The following PBK variants were observed in gnomAD, a reference collection of about 807,000 sequenced individuals.
PBK encodes PDZ binding kinase.
In PBK, 22 loss-of-function variants were observed where a neutral mutation model predicts 33.5. The ratio of observed to expected loss-of-function variants is 0.66; its 90% confidence interval spans 0.47 to 0.94. The LOEUF is 0.94. Among genes scored for constraint, PBK ranks in the 40% least tolerant of loss-of-function variants. The pLI is 0.00. For synonymous variants in PBK, 129 were observed against 123.8 expected (o/e 1.04, Z -0.28); for missense variants, 376 against 383.4 (o/e 0.98, Z 0.16).
At chr8:27,830,805 A>G (rs4623360) in intron 2 of PBK, among the ~76,000 whole-genome samples, 23,889 of 152,160 alleles carry the variant, frequency 0.16, 2,361 homozygotes, top group East Asian at 0.37. Flanking sequence ...GGATAAAAAC[A>G]AGACGAGACA....
chr8:27,818,993 G>A (rs1805869960), intron 6 of PBK, among the ~76,000 whole-genome samples: 1 of 152,070 alleles, frequency 6.6e-6, no homozygotes, highest in Non-Finnish European at 1.5e-5. Context: ...ATACAAAAAT[G>A]TCACCTTTAT....
chr8:27,828,243 A>C (rs1376301509), intron 2 of PBK, 45 bp from the exon 3 acceptor site: 2 of 901,830 alleles, frequency 2.2e-6, no homozygotes, highest in Non-Finnish European at 3.5e-6. Context: ...AAAAATAAAA[A>C]TAAAGCATCT....
At chr8:27,817,085 T>C (rs1419231076) in intron 6 of PBK, among the ~76,000 whole-genome samples, 1 of 152,156 alleles carries the variant, frequency 6.6e-6, no homozygotes, top group Non-Finnish European at 1.5e-5. Flanking sequence ...ATATGCCTGG[T>C]GTAGTAGCTT....
chr8:27,814,860 C>T (rs574253166), intron 6 of PBK, among the ~76,000 whole-genome samples: 1 of 152,114 alleles, frequency 6.6e-6, no homozygotes, highest in Non-Finnish European at 1.5e-5. Flanking sequence ...AACAAATATA[C>T]TCTATGATTC....
chr8:27,810,523 A>G, intron 7 of PBK, 22 bp from the exon 8 acceptor site: 1 of 1,440,040 alleles, frequency 6.9e-7, no homozygotes, highest in Non-Finnish European at 9.7e-7. Flanking sequence ...TAGAGATTGA[A>G]ACAATAAACA....
intron 3 of PBK, among the ~76,000 whole-genome samples, chr8:27,823,767 A>C (rs1481095242): frequency 6.6e-6 from 1 of 152,098 alleles, no homozygotes; most frequent in African/African-American, 2.4e-5. Flanking sequence ...GAAAATTTTA[A>C]ACTTTCTATT....
intron 6 of PBK, among the ~76,000 whole-genome samples, chr8:27,814,594 C>A (rs891654015): frequency 2.0e-5 from 3 of 152,064 alleles, no homozygotes; most frequent in African/African-American, 7.2e-5. Flanking sequence ...AATCAATGAA[C>A]ATAGGTCATT....
chr8:27,824,929 A>T (rs1421012002), intron 3 of PBK, among the ~76,000 whole-genome samples: 1 of 152,216 alleles, frequency 6.6e-6, no homozygotes, highest in East Asian at 1.9e-4. Flanking sequence ...TAACAAAAAA[A>T]ATATAGACTT....
intron 3 of PBK, among the ~76,000 whole-genome samples, chr8:27,825,976 A>G (rs1221425593): frequency 6.6e-6 from 1 of 152,222 alleles, no homozygotes; most frequent in Non-Finnish European, 1.5e-5. Flanking sequence ...ATTTAAGAAC[A>G]GGAACTATTC....
Position 27,820,563 on chromosome 8 carries a change from A to C in PBK, c.595+2T>G, listed in dbSNP as rs960944899. 12 of 1,552,048 alleles carry C rather than the reference A, an allele frequency of 7.7e-6. No individual in the cohort carries two copies. Among genetic ancestry groups the C allele is most frequent in the Non-Finnish European group, 9.7e-6 (11 of 1,139,296 alleles). On this transcript the variant is annotated splice_donor_variant, in intron 6 of 7. Transcript: ENST00000301905. LOFTEE classifies it high-confidence loss of function. Reference sequence around the variant, plus strand: ...ATTTTAAAACTTAAGAGTACAACTTACCAGTCATATTTTCATCCAGTGGTA... The same window carrying C: ...ATTTTAAAACTTAAGAGTACAACTTCCCAGTCATATTTTCATCCAGTGGTA...
chr8:27,820,689 C>T lies in PBK; in HGVS notation c.471G>A (p.Leu157=). 1 of 1,540,842 alleles carries T rather than the reference C, an allele frequency of 6.5e-7. No homozygotes were observed. Among genetic ancestry groups the T allele is most frequent in the South Asian group, 1.2e-5 (1 of 83,622 alleles). The change falls in exon 6 of 8, where the codon CTG becomes CTA. Residue 157 remains leucine (L), a synonymous_variant. Transcript: ENST00000301905. ...ALNMARGLKY[L]HQEKKLLHGD... ...CATGAAGCAGTTTCTTTTCTTGGTG[C>T]AGATACTAAAATAGTAAAAAATTTA...
At chr8:27,834,186 C>G (rs966781135) in intron 1 of PBK, among the ~76,000 whole-genome samples, 1 of 152,064 alleles carries the variant, frequency 6.6e-6, no homozygotes, top group Non-Finnish European at 1.5e-5. Context: ...CACCACCACA[C>G]CTGGCTAATT....
chr8:27,835,617 T>A, intron 1 of PBK, among the ~76,000 whole-genome samples: 1 of 151,718 alleles, frequency 6.6e-6, no homozygotes, highest in East Asian at 1.9e-4. Context: ...AATGGTGCAA[T>A]CTCGGCTCAC....
At chr8:27,818,154 A>T (rs966900153) in intron 6 of PBK, among the ~76,000 whole-genome samples, 1 of 152,332 alleles carries the variant, frequency 6.6e-6, no homozygotes, top group South Asian at 2.1e-4. Flanking sequence ...GCTAATGGCC[A>T]TGCAGCTTGA....
At position 27,809,704 on chromosome 8, in the gene PBK, C is replaced by A. The variant is rs1163100486; in HGVS notation, c.*601G>T. 1 of 152,032 alleles carries A rather than the reference C, an allele frequency of 6.6e-6. No individual in the cohort carries two copies. The highest frequency in any genetic ancestry group is 1.5e-5 in the Non-Finnish European group (1 of 68,008). 9.4% of individuals were successfully genotyped at this position (152,032 alleles called of 1,614,324 possible). Reference sequence around the variant, plus strand: ...ACACAGCTGGGAAATGCTTAAGGTACAAATTAATAAATTTTAAACTCAGTA... The same window carrying A: ...ACACAGCTGGGAAATGCTTAAGGTAAAAATTAATAAATTTTAAACTCAGTA... On this transcript the variant is annotated 3_prime_UTR_variant, in exon 8 of 8. Coordinates refer to ENST00000301905, the MANE Select transcript of PBK (RefSeq NM_018492.4).
chr8:27,822,669 G>C (rs886110159), intron 4 of PBK, among the ~76,000 whole-genome samples, 181 bp from the exon 5 acceptor site: 6 of 152,166 alleles, frequency 3.9e-5, no homozygotes, highest in Non-Finnish European at 8.8e-5. Context: ...GTGTTTGCCA[G>C]TAGTACCACA....
intron 7 of PBK, 131 bp downstream of exon 7, chr8:27,810,827 T>G: frequency 1.5e-6 from 1 of 665,050 alleles, no homozygotes; most frequent in East Asian, 2.7e-5. Context: ...TATGTCTCAT[T>G]TGTGTGAGAT....
intron 6 of PBK, among the ~76,000 whole-genome samples, chr8:27,816,887 AAATT>A (rs1172667159): frequency 6.6e-6 from 1 of 152,030 alleles, no homozygotes; most frequent in Non-Finnish European, 1.5e-5. Flanking sequence ...GTGGTAGTAT[AAATT>A]AAACCACCCC....
rs139091892 is a variant in PBK, at chr8:27,833,369, C to T, written c.-20-236G>A. 9.9e-5 allele frequency among the ~76,000 whole-genome samples: 15 copies of T among 152,124 alleles called. No homozygotes were observed. The South Asian group carries it at 2.3e-3, about 23-fold the overall frequency. ...TACTAAAAATACAAAATCAGCCAGG[C>T]GTGGTGGCGCATGCGTGTAATCCCA... On this transcript the variant is annotated intron_variant, in intron 1 of 7. Transcript: ENST00000301905.
Sources: allele counts gnomAD v4.1 joint callset (sites outside exome capture counted in the v4.1 genomes callset), GRCh38; gene constraint gnomAD v4.1.1; transcripts MANE v1.5; gene names NCBI Gene and HGNC (gene_info 2026-07-23, HGNC 2026-07-21).